The following NOVA1 variants were observed in gnomAD, a reference collection of about 807,000 sequenced individuals.
The protein encoded by NOVA1 is NOVA alternative splicing regulator 1, also known as RNA-binding protein Nova-1.
NOVA1 carries 7 observed loss-of-function variants against 38.0 expected under a neutral mutation model. That is an observed-to-expected ratio of 0.18 (90% CI 0.10 to 0.35). The LOEUF is 0.35. Among genes scored for constraint, NOVA1 ranks in the 10% least tolerant of loss-of-function variants. The pLI is 1.00. For synonymous variants in NOVA1, 270 were observed against 232.5 expected (o/e 1.16, Z -1.47); for missense variants, 460 against 616.0 (o/e 0.75, Z 2.68).
chr14:26,447,656 A>G lies in NOVA1; in HGVS notation c.*303T>C. ...AAACTATACGCATATCCCTGTCTAC[A>G]TTCAATCATTAAACTACAATAATGC... On this transcript the variant is annotated 3_prime_UTR_variant, in exon 5 of 5. Transcript: ENST00000539517. The G allele has an allele frequency of 2.6e-6, 1 of 390,110 alleles. No homozygotes were observed. Among genetic ancestry groups the G allele is most frequent in the Admixed American group, 4.0e-5 (1 of 24,762 alleles). The allele number at this position is 390,110 out of a possible 1,614,324, so 24.2% of individuals were successfully genotyped here. A position where few individuals can be genotyped will look rare whatever the true frequency, so the allele number is the denominator to read the frequency against.
At chr14:26,465,091 C>A (rs1483891952) in intron 4 of NOVA1, among the ~76,000 whole-genome samples, 2 of 152,040 alleles carry the variant, frequency 1.3e-5, no homozygotes, top group East Asian at 1.9e-4. Context: ...ATTTCTAGGA[C>A]CTTCTTATAT....
intron 2 of NOVA1, among the ~76,000 whole-genome samples, chr14:26,531,584 G>T (rs1413151846): frequency 6.6e-6 from 1 of 150,542 alleles, no homozygotes; most frequent in Non-Finnish European, 1.5e-5. Context: ...TCCAGCCTAA[G>T]CAACAACAGC....
intron 2 of NOVA1, among the ~76,000 whole-genome samples, chr14:26,532,370 A>C (rs1216334141): frequency 6.6e-6 from 1 of 152,244 alleles, no homozygotes; most frequent in South Asian, 2.1e-4. Context: ...TAAATTACAC[A>C]TGCAAAATCA....
In NOVA1 at chr14:26,448,452, G is replaced by A. The variant is rs1375881995; in HGVS notation, c.1031C>T (p.Ala344Val). Reference sequence around the variant, plus strand: ...GGCACTGGCAGCTGCTGCAGCCAAAGCCCCTGTTGCTGCTGCTTGACTGAG... The same window carrying A: ...GGCACTGGCAGCTGCTGCAGCCAAAACCCCTGTTGCTGCTGCTTGACTGAG... Reference protein sequence around the residue: ...LGLSQAAATGALAAAAASANP... With the variant: ...LGLSQAAATGVLAAAAASANP... The change falls in exon 5 of 5, where the codon GCT becomes GTT. Residue 344 changes from alanine (A) to valine (V), a missense_variant. Physicochemically the swap from Ala to Val is moderately conservative, Grantham distance 64. Coordinates refer to ENST00000539517, the MANE Select transcript of NOVA1 (RefSeq NM_002515.3). This position sits in a 1 kb window ranked among gnomAD's most constrained non-coding sequence, Gnocchi z 5.3. 1 of 1,612,770 alleles carries A rather than the reference G, an allele frequency of 6.2e-7. No individual in the cohort carries two copies. The highest frequency in any genetic ancestry group is 8.5e-7 in the Non-Finnish European group (1 of 1,179,792).
intron 2 of NOVA1, among the ~76,000 whole-genome samples, chr14:26,481,150 T>G (rs1885422600): frequency 6.6e-6 from 1 of 152,056 alleles, no homozygotes; most frequent in African/African-American, 2.4e-5. Flanking sequence ...CACATGAACT[T>G]GCTTCTAAGA....
chr14:26,572,428 GTTAT>G (rs1322363998), intron 2 of NOVA1, among the ~76,000 whole-genome samples: 1 of 152,100 alleles, frequency 6.6e-6, no homozygotes, highest in Non-Finnish European at 1.5e-5. Context: ...TTGACACTGA[GTTAT>G]TTATCTACTC....
intron 4 of NOVA1, among the ~76,000 whole-genome samples, chr14:26,463,945 C>A (rs1239301204): frequency 1.3e-5 from 2 of 152,144 alleles, no homozygotes; most frequent in Non-Finnish European, 2.9e-5. Context: ...AAATACTTCT[C>A]ATGTATTTGT....
chr14:26,562,106 G>A (rs983072585), intron 2 of NOVA1, among the ~76,000 whole-genome samples: 1 of 152,076 alleles, frequency 6.6e-6, no homozygotes, highest in Non-Finnish European at 1.5e-5. Flanking sequence ...TTGCCTTATT[G>A]GAAGTCATTT....
At chr14:26,565,132 A>G (rs1892056473) in intron 2 of NOVA1, among the ~76,000 whole-genome samples, 1 of 152,160 alleles carries the variant, frequency 6.6e-6, no homozygotes, top group African/African-American at 2.4e-5. Flanking sequence ...TCACTTTTGT[A>G]GTTGGTCTTC....
chr14:26,448,436 A>AGCT lies in NOVA1; in HGVS notation c.1044_1046dup (p.Ala350dup). The AGCT allele has an allele frequency of 1.2e-6, 2 of 1,612,030 alleles. No homozygotes were observed. Among genetic ancestry groups the AGCT allele is most frequent in the Non-Finnish European group, 1.7e-6 (2 of 1,179,526 alleles). ...CTGCTGCTGCTGGGTTGGCACTGGC[A>AGCT]GCTGCTGCAGCCAAAGCCCCTGTTG... On this transcript the variant is annotated inframe_insertion, in exon 5 of 5. Transcript: ENST00000539517. The surrounding 1 kb of genome is among the most constrained non-coding windows in gnomAD (Gnocchi z 5.3).
intron 4 of NOVA1, among the ~76,000 whole-genome samples, chr14:26,449,574 A>G (rs1016743605): frequency 2.7e-4 from 41 of 152,170 alleles, no homozygotes; most frequent in Non-Finnish European, 5.0e-4. Flanking sequence ...TTAAACTCAC[A>G]TATGAAATAT....
chr14:26,485,460 T>C (rs567799501), intron 2 of NOVA1, among the ~76,000 whole-genome samples: 75 of 152,222 alleles, frequency 4.9e-4, no homozygotes, highest in Admixed American at 6.5e-4. Flanking sequence ...GGAGAAATAA[T>C]GGATAATTTA....
intron 2 of NOVA1, among the ~76,000 whole-genome samples, chr14:26,579,335 A>G (rs755545637): frequency 6.6e-6 from 1 of 152,128 alleles, no homozygotes; most frequent in Non-Finnish European, 1.5e-5. Context: ...GATTGCAGGC[A>G]TGAGCCATGG....
intron 2 of NOVA1, among the ~76,000 whole-genome samples, chr14:26,546,774 C>T (rs1029498118): frequency 6.6e-6 from 1 of 152,144 alleles, no homozygotes; most frequent in African/African-American, 2.4e-5. Context: ...AATCCCAGCA[C>T]TTTGGGAGGC....
chr14:26,453,103 C>T (rs991366531), intron 4 of NOVA1, among the ~76,000 whole-genome samples: 3 of 152,078 alleles, frequency 2.0e-5, no homozygotes, highest in Admixed American at 6.6e-5. Flanking sequence ...ACTATTGTTT[C>T]GGTGTTGGAC....
rs1271843918 is a variant in NOVA1, at chr14:26,514,481, TTAATA to T, written c.281-34343_281-34339del. Among the ~76,000 whole-genome samples the T allele has an allele frequency of 4.6e-5, 7 of 151,824 alleles. 1 individual carries two copies. The highest frequency in any genetic ancestry group is 3.3e-4 in the Admixed American group (5 of 15,244). On this transcript the variant is annotated intron_variant, in intron 2 of 4. Transcript: ENST00000539517. ...TCCTCAACATAGAGGCATTAACTTG[TTAATA>T]TAATATAAAGATGTTAAACATTTTA... is the stretch of plus-strand genomic sequence containing the variant.
chr14:26,469,707 A>G (rs1393470089), intron 4 of NOVA1, among the ~76,000 whole-genome samples: 3 of 152,140 alleles, frequency 2.0e-5, no homozygotes, highest in African/African-American at 7.2e-5. Context: ...CTTCCGCCTC[A>G]GCCTCCAGGT....
At chr14:26,587,392 G>A (rs541525262) in intron 2 of NOVA1, among the ~76,000 whole-genome samples, 2 of 149,558 alleles carry the variant, frequency 1.3e-5, no homozygotes, top group South Asian at 2.1e-4. Flanking sequence ...TATATTCCTC[G>A]AATGGAGAAA....
intron 2 of NOVA1, among the ~76,000 whole-genome samples, chr14:26,541,605 G>C (rs949435994): frequency 4.1e-5 from 6 of 147,616 alleles, no homozygotes; most frequent in Non-Finnish European, 9.0e-5. Flanking sequence ...TAGTTTCCCC[G>C]AGTATGCTTT....
Sources: gnomAD v4.1 joint callset for allele counts (sites outside exome capture counted in the v4.1 genomes callset) on GRCh38, gnomAD v4.1.1 for gene constraint, Gnocchi (gnomAD v3.1) non-coding constraint, MANE v1.5 for transcripts, NCBI Gene and HGNC (gene_info 2026-07-23, HGNC 2026-07-21) for gene names.